The following CHRAC1 variants were observed in gnomAD, a reference collection of about 807,000 sequenced individuals.
CHRAC1 encodes the protein chromatin accessibility complex protein 1.
Under a neutral mutation model 9.1 loss-of-function variants are expected in CHRAC1, and 6 were observed. The observed-to-expected ratio is 0.66, with a 90% CI of 0.36 to 1.29. The LOEUF (loss-of-function observed/expected upper bound fraction) is 1.29, where lower values mean the gene tolerates loss of function less well. CHRAC1 is among the 50% of genes most tolerant of loss of function. The pLI is 0.03. For synonymous variants in CHRAC1, 73 were observed against 64.5 expected (o/e 1.13, Z -0.63); for missense variants, 168 against 163.5 (o/e 1.03, Z -0.15).
chr8:140,515,040 G>A, intron 2 of CHRAC1, 86 bp from the exon 3 acceptor site: 1 of 1,326,902 alleles, frequency 7.5e-7, no homozygotes, highest in Non-Finnish European at 1.1e-6. Context: ...AGAGGTCAAA[G>A]CAGGAACTAG....
At position 140,511,511 on chromosome 8, in the gene CHRAC1, G is replaced by C; in HGVS notation, c.12G>C (p.Val4=). The change falls in exon 1 of 3, where the codon GTG becomes GTC. Residue 4 remains valine (V), a synonymous_variant. Coordinates refer to ENST00000220913, the MANE Select transcript of CHRAC1 (RefSeq NM_017444.6). ...CGACGGGCGGGAAGATGGCGGACGT[G>C]GTCGTGGGTAAAGACAAGGGCGGGG... MAD[V]VVGKDKGGEQ... 2 of 1,350,734 alleles carry C rather than the reference G, an allele frequency of 1.5e-6. No homozygotes were observed. Among genetic ancestry groups the C allele is most frequent in the Non-Finnish European group, 1.9e-6 (2 of 1,042,482 alleles). The allele number at this position is 1,350,734 out of a possible 1,614,324, so 83.7% of individuals were successfully genotyped here.
At chr8:140,511,704 G>T (rs535814872) in intron 1 of CHRAC1, 58 bp downstream of exon 1, 19 of 1,270,022 alleles carry the variant, frequency 1.5e-5, no homozygotes, top group Non-Finnish European at 1.8e-5. Context: ...CGCCCCGCCG[G>T]GCTCTGGGCA....
rs1204264230 is a variant in CHRAC1, at chr8:140,511,374, C to T, written c.-126C>T. 10 of 873,278 alleles carry T rather than the reference C, an allele frequency of 1.1e-5. No homozygotes were observed. The Admixed American group carries it at 1.3e-4, about 11-fold the overall frequency. 54.1% of individuals were successfully genotyped at this position (873,278 alleles called of 1,614,324 possible). A position where few individuals can be genotyped will look rare whatever the true frequency, so the allele number is the denominator to read the frequency against. On this transcript the variant is annotated 5_prime_UTR_variant, in exon 1 of 3. Coordinates refer to ENST00000220913, the MANE Select transcript of CHRAC1 (RefSeq NM_017444.6). Reference sequence around the variant, plus strand: ...GGCCGCTCCCGGCCTCGCGGCCTCGCCTCCCCACACTACAACTCCCACGGG... The same window carrying T: ...GGCCGCTCCCGGCCTCGCGGCCTCGTCTCCCCACACTACAACTCCCACGGG...
chr8:140,512,916 A>G (rs1399735424), intron 1 of CHRAC1, among the ~76,000 whole-genome samples: 1 of 152,174 alleles, frequency 6.6e-6, no homozygotes, highest in African/African-American at 2.4e-5. Context: ...TCGCGGGTTC[A>G]GATGATTCTC....
intron 1 of CHRAC1, among the ~76,000 whole-genome samples, chr8:140,513,909 A>ATTTCTTTTT (rs2072307242): frequency 1.0e-5 from 1 of 95,330 alleles, no homozygotes; most frequent in African/African-American, 4.2e-5. Flanking sequence ...TTCCCCAGTG[A>ATTTCTTTTT]TTTCTTTTTT....
chr8:140,514,028 T>TC (rs1244034219), intron 1 of CHRAC1, among the ~76,000 whole-genome samples: 1 of 141,378 alleles, frequency 7.1e-6, no homozygotes, highest in African/African-American at 2.6e-5. Flanking sequence ...TGCCTCAGCC[T>TC]CCCGCTGGCT....
chr8:140,512,046 G>T (rs1282854336), intron 1 of CHRAC1: 1 of 1,281,926 alleles, frequency 7.8e-7, no homozygotes, highest in South Asian at 1.2e-5. Context: ...GCGTTCCTCT[G>T]CGCGCCTTTC....
rs1276667523 is a variant in CHRAC1, at chr8:140,515,249, C to G, written c.*2C>G. ...GACCATGATGAAGCTGACTCCTAAA[C>G]CAAAAGTGCTTTAAAAACCAGCCTG... is the stretch of plus-strand genomic sequence containing the variant. On this transcript the variant is annotated 3_prime_UTR_variant, in exon 3 of 3. Transcript: ENST00000220913. 1 of 1,613,362 alleles carries G rather than the reference C, an allele frequency of 6.2e-7. No homozygotes were observed. Among genetic ancestry groups the G allele is most frequent in the Non-Finnish European group, 8.5e-7 (1 of 1,179,798 alleles).
rs1198468827 is a variant in CHRAC1, at chr8:140,512,134, C to T, written c.147+488C>T. 7.3e-6 allele frequency: 5 copies of T among 689,588 alleles called. No homozygotes were observed. The African/African-American group carries it at 7.5e-5, about 10-fold the overall frequency. 42.7% of individuals were successfully genotyped at this position (689,588 alleles called of 1,614,324 possible). On this transcript the variant is annotated intron_variant, in intron 1 of 2. Transcript: ENST00000220913. The stretch of plus-strand genomic sequence containing the variant: ...CGGCCCTACCCGTGGGCGTCGGCGC[C>T]TAGTGGCGCTCTTCTCATTTGGGTT...
At chr8:140,511,859 C>T (rs990008815) in intron 1 of CHRAC1, 1 of 751,248 alleles carries the variant, frequency 1.3e-6, no homozygotes, top group South Asian at 1.4e-5. Context: ...GCCCACCCCT[C>T]GCCGCTCCCT....
At chr8:140,512,667 G>A (rs539401780) in intron 1 of CHRAC1, among the ~76,000 whole-genome samples, 126 of 152,288 alleles carry the variant, frequency 8.3e-4, no homozygotes, top group African/African-American at 2.8e-3. Context: ...AGGGAAGTGG[G>A]AAATTACAGG....
chr8:140,515,448 G>A lies in CHRAC1; in HGVS notation c.*201G>A. 7.2e-6 allele frequency: 3 copies of A among 419,186 alleles called. No individual in the cohort carries two copies. The highest frequency in any genetic ancestry group is 8.3e-6 in the Non-Finnish European group (2 of 242,170). 26.0% of individuals were successfully genotyped at this position (419,186 alleles called of 1,614,324 possible). ...CGCCACAGACAGCCAGAGGGAAAGCGACCCAGACAGCAGCCCCTCCTCGAC... is the reference window on the plus strand; with the variant it reads ...CGCCACAGACAGCCAGAGGGAAAGCAACCCAGACAGCAGCCCCTCCTCGAC... On this transcript the variant is annotated 3_prime_UTR_variant, in exon 3 of 3. Coordinates refer to ENST00000220913, the MANE Select transcript of CHRAC1 (RefSeq NM_017444.6).
intron 1 of CHRAC1, among the ~76,000 whole-genome samples, chr8:140,513,434 A>T (rs990699050): frequency 2.7e-5 from 4 of 150,572 alleles, no homozygotes; most frequent in African/African-American, 4.9e-5. Context: ...GCTACTTTCT[A>T]TTTTTTTTTC....
chr8:140,511,460 G>C lies in CHRAC1; in HGVS notation c.-40G>C, dbSNP rs754971687. The C allele has an allele frequency of 1.1e-5, 14 of 1,296,886 alleles. No individual in the cohort carries two copies. The highest frequency in any genetic ancestry group is 3.0e-6 in the Non-Finnish European group (3 of 1,011,222). 80.3% of individuals were successfully genotyped at this position (1,296,886 alleles called of 1,614,324 possible). On this transcript the variant is annotated 5_prime_UTR_variant, in exon 1 of 3. Coordinates refer to ENST00000220913, the MANE Select transcript of CHRAC1 (RefSeq NM_017444.6). ...CGGGCAGGGCAGCCACTTCGCGGTCGGGCCCGCCGGCTGCGGGCACCCGCG... is the reference window on the plus strand; with the variant it reads ...CGGGCAGGGCAGCCACTTCGCGGTCCGGCCCGCCGGCTGCGGGCACCCGCG...
In CHRAC1 at chr8:140,515,668, G is replaced by C. The variant is rs1471980409; in HGVS notation, c.*421G>C. On this transcript the variant is annotated 3_prime_UTR_variant, in exon 3 of 3. Coordinates refer to ENST00000220913, the MANE Select transcript of CHRAC1 (RefSeq NM_017444.6). Reference sequence around the variant, plus strand: ...TTATAAACAGCTCGATTCAGTTTTAGCTAAATTTATAGTTTAGGTAGTATG... The same window carrying C: ...TTATAAACAGCTCGATTCAGTTTTACCTAAATTTATAGTTTAGGTAGTATG... 6.5e-6 allele frequency: 1 copy of C among 153,606 alleles called. No individual in the cohort carries two copies. The highest frequency in any genetic ancestry group is 6.5e-5 in the Admixed American group (1 of 15,416). 9.5% of individuals were successfully genotyped at this position (153,606 alleles called of 1,614,324 possible). A position where few individuals can be genotyped will look rare whatever the true frequency, so the allele number is the denominator to read the frequency against.
chr8:140,512,596 A>G (rs1181827534), intron 1 of CHRAC1, among the ~76,000 whole-genome samples: 4 of 152,020 alleles, frequency 2.6e-5, no homozygotes, highest in Non-Finnish European at 5.9e-5. Flanking sequence ...CTTGGATTCT[A>G]TTTTCCAGTC....
At chr8:140,514,290 A>C in intron 1 of CHRAC1, 79 bp from the exon 2 acceptor site, 2 of 1,437,338 alleles carry the variant, frequency 1.4e-6, no homozygotes, top group Non-Finnish European at 1.9e-6. Flanking sequence ...TAAGGAATCA[A>C]CAATGTAATT....
chr8:140,512,054 T>G, intron 1 of CHRAC1: 1 of 1,279,788 alleles, frequency 7.8e-7, no homozygotes, highest in Non-Finnish European at 1.0e-6. Context: ...CTGCGCGCCT[T>G]TCGTCCCTCC....
chr8:140,515,467 C>T lies in CHRAC1; in HGVS notation c.*220C>T, dbSNP rs2072325545. On this transcript the variant is annotated 3_prime_UTR_variant, in exon 3 of 3. Transcript: ENST00000220913. ...GAAAGCGACCCAGACAGCAGCCCCT[C>T]CTCGACAGGCCCACCCTGCAGCTCA... 2 of 367,422 alleles carry T rather than the reference C, an allele frequency of 5.4e-6. No individual in the cohort carries two copies. The highest frequency in any genetic ancestry group is 9.7e-6 in the Non-Finnish European group (2 of 205,288). 22.8% of individuals were successfully genotyped at this position (367,422 alleles called of 1,614,324 possible).
Sources: allele counts gnomAD v4.1 joint callset (sites outside exome capture counted in the v4.1 genomes callset), GRCh38; gene constraint gnomAD v4.1.1; transcripts MANE v1.5; gene names NCBI Gene and HGNC (gene_info 2026-07-23, HGNC 2026-07-21).